The following SLAIN2 variants were observed in gnomAD, a reference collection of about 807,000 sequenced individuals.
The protein encoded by SLAIN2 is SLAIN family member 2.
Under a neutral mutation model 56.6 loss-of-function variants are expected in SLAIN2, and 31 were observed. The ratio of observed to expected loss-of-function variants is 0.55; its 90% CI spans 0.41 to 0.74. SLAIN2 has a LOEUF of 0.74. Ranked by LOEUF, SLAIN2 falls within the 30% of genes least tolerant of loss-of-function variation. The probability of loss-of-function intolerance (pLI) is 0.00; values close to 1 mark genes in which losing one functional copy is unlikely to be tolerated. For missense variants in SLAIN2, 777 were observed against 754.2 expected (o/e 1.03, Z -0.35); for synonymous variants, 317 against 284.9 (o/e 1.11, Z -1.13).
At chr4:48,346,074 C>G (rs1714857589) in intron 1 of SLAIN2, among the ~76,000 whole-genome samples, 1 of 152,248 alleles carries the variant, frequency 6.6e-6, no homozygotes, top group African/African-American at 2.4e-5. Context: ...ACATTACTAT[C>G]ACCAACCTAT....
chr4:48,405,543 A>G (rs1478435765), intron 6 of SLAIN2, among the ~76,000 whole-genome samples: 1 of 151,454 alleles, frequency 6.6e-6, no homozygotes, highest in Admixed American at 6.6e-5. Context: ...GTTCCCTTGT[A>G]TTTTCTATAA....
At chr4:48,399,223 C>T (rs1395997000) in intron 6 of SLAIN2, among the ~76,000 whole-genome samples, 1 of 152,046 alleles carries the variant, frequency 6.6e-6, no homozygotes, top group African/African-American at 2.4e-5. Context: ...CTTTCATTTC[C>T]CTTGTTAGCT....
intron 1 of SLAIN2, among the ~76,000 whole-genome samples, chr4:48,352,373 AT>A (rs1463173575): frequency 1.3e-5 from 2 of 152,234 alleles, no homozygotes; most frequent in African/African-American, 4.8e-5. Context: ...ATGATTAAAG[AT>A]TAGGCCATTT....
chr4:48,406,406 A>G lies in SLAIN2; in HGVS notation c.1361-13719A>G, dbSNP rs1005450298. Among the ~76,000 whole-genome samples, 133 of 152,280 alleles carry G rather than the reference A, an allele frequency of 8.7e-4. 1 individual carries two copies. The highest frequency in any genetic ancestry group is 3.0e-3 in the African/African-American group (123 of 41,560). On this transcript the variant is annotated intron_variant, in intron 6 of 7. Transcript: ENST00000264313. The stretch of plus-strand genomic sequence containing the variant: ...TCTTAGCAACACATAGAATTAGAAT[A>G]TCATAATAATTTGTTTTGTCCCATA...
At position 48,382,866 on chromosome 4, in the gene SLAIN2, A is replaced by C; in HGVS notation, c.1161A>C (p.Gln387His). The stretch of plus-strand genomic sequence containing the variant: ...AGCCTATGATTAGCCGCTTACAGCA[A>C]CCTCGCCTTTCACTTCAAGGCCATC... ...SPQPMISRLQ[Q>H]PRLSLQGHPT... The change falls in exon 5 of 8, where the codon CAA (glutamine) becomes CAC (histidine). Residue 387 changes from glutamine to histidine, a missense_variant. Gln to His is a conservative substitution (Grantham distance 24). Coordinates refer to ENST00000264313, the MANE Select transcript of SLAIN2 (RefSeq NM_020846.2). The C allele has an allele frequency of 6.2e-7, 1 of 1,613,616 alleles. No homozygotes were observed. Among genetic ancestry groups the C allele is most frequent in the Non-Finnish European group, 8.5e-7 (1 of 1,179,748 alleles).
Position 48,341,868 on chromosome 4 carries a change from C to A in SLAIN2, c.129C>A (p.Ser43=). ...SRSGAVQGAG[S]LGPGSPVRAG... ...CGGGGGCCGTGCAGGGCGCCGGCTCCCTTGGGCCCGGCAGCCCGGTTCGGG... is the reference window on the plus strand; with the variant it reads ...CGGGGGCCGTGCAGGGCGCCGGCTCACTTGGGCCCGGCAGCCCGGTTCGGG... Residue 43 remains serine (S), a synonymous_variant, in exon 1 of 8, where the codon TCC becomes TCA. Coordinates refer to ENST00000264313, the MANE Select transcript of SLAIN2 (RefSeq NM_020846.2). 3 of 1,519,796 alleles carry A rather than the reference C, an allele frequency of 2.0e-6. No homozygotes were observed. The highest frequency in any genetic ancestry group is 2.6e-6 in the Non-Finnish European group (3 of 1,134,390). 94.1% of individuals were successfully genotyped at this position (1,519,796 alleles called of 1,614,324 possible).
chr4:48,360,560 C>T (rs6853315), intron 1 of SLAIN2, among the ~76,000 whole-genome samples: 45,108 of 151,872 alleles, frequency 0.3, 6,894 homozygotes, highest in South Asian at 0.48. Flanking sequence ...CCACTACACT[C>T]TAGCTTGGGT....
intron 6 of SLAIN2, among the ~76,000 whole-genome samples, chr4:48,396,155 A>T (rs773395694): frequency 1.2e-4 from 18 of 152,126 alleles, no homozygotes; most frequent in African/African-American, 4.3e-4. Flanking sequence ...TATCACTCCA[A>T]GCTACCAAAC....
chr4:48,393,113 A>G (rs546454773), intron 6 of SLAIN2, among the ~76,000 whole-genome samples: 29 of 152,158 alleles, frequency 1.9e-4, no homozygotes, highest in African/African-American at 6.5e-4. Context: ...TGGCTCACGC[A>G]TGTAATTCCA....
In SLAIN2 at chr4:48,346,497, T is replaced by C. The variant is rs190091063; in HGVS notation, c.389+4369T>C. On this transcript the variant is annotated intron_variant, in intron 1 of 7. Transcript: ENST00000264313. ...ATTCAGAGCTAGGTAGGTAATGTGG[T>C]TTTTATACTTTTTTGTCACTCGTGG... Among the ~76,000 whole-genome samples the C allele has an allele frequency of 3.0e-3, 455 of 152,336 alleles. 2 individuals carry two copies. The highest frequency in any genetic ancestry group is 6.8e-3 in the Middle Eastern group (2 of 294).
chr4:48,375,461 A>G (rs1270253354), intron 2 of SLAIN2, among the ~76,000 whole-genome samples: 4 of 152,108 alleles, frequency 2.6e-5, no homozygotes, highest in South Asian at 2.1e-4. Context: ...TTCTTTAACA[A>G]TCCTTTCCAG....
At chr4:48,360,764 A>T (rs1172958845) in intron 1 of SLAIN2, among the ~76,000 whole-genome samples, 15 of 152,130 alleles carry the variant, frequency 9.9e-5, no homozygotes. Context: ...GTCATTTCCC[A>T]TTCCTTCTCT....
intron 1 of SLAIN2, among the ~76,000 whole-genome samples, chr4:48,350,898 TATA>T (rs1714993841): frequency 6.6e-6 from 1 of 152,208 alleles, no homozygotes; most frequent in Non-Finnish European, 1.5e-5. Context: ...ATAGATGCAA[TATA>T]ATGTAGTACC....
At chr4:48,420,061 A>T in intron 6 of SLAIN2, 64 bp from the exon 7 acceptor site, 1 of 1,505,204 alleles carries the variant, frequency 6.6e-7, no homozygotes, top group Non-Finnish European at 9.1e-7. Flanking sequence ...GTTGTAATTT[A>T]AAGCAATGGT....
At chr4:48,407,321 G>T (rs1349597681) in intron 6 of SLAIN2, among the ~76,000 whole-genome samples, 1 of 151,954 alleles carries the variant, frequency 6.6e-6, no homozygotes. Context: ...AGTTCCATCA[G>T]CTCATTTCTG....
chr4:48,408,728 A>G (rs552664980), intron 6 of SLAIN2, among the ~76,000 whole-genome samples: 1 of 152,252 alleles, frequency 6.6e-6, no homozygotes, highest in East Asian at 1.9e-4. Flanking sequence ...CAGTAAGCTA[A>G]GGTTAATTTA....
intron 2 of SLAIN2, among the ~76,000 whole-genome samples, chr4:48,375,505 C>CT (rs1011289094): frequency 1.3e-5 from 2 of 150,882 alleles, no homozygotes; most frequent in Non-Finnish European, 3.0e-5. Flanking sequence ...CTTTTTTTTC[C>CT]TTTTTTCTAG....
chr4:48,341,771 A>G lies in SLAIN2; in HGVS notation c.32A>G (p.Asp11Gly). 6.5e-7 allele frequency: 1 copy of G among 1,530,760 alleles called. No homozygotes were observed. The highest frequency in any genetic ancestry group is 8.8e-7 in the Non-Finnish European group (1 of 1,138,850). The allele number at this position is 1,530,760 out of a possible 1,614,324, so 94.8% of individuals were successfully genotyped here. ...GACGTTAACTCCAACGTGAACGCGG[A>G]CCAGGAGGTGCGGAAGCTGCAGGAG... The part of the protein sequence containing the change: MEDVNSNVNA[D>G]QEVRKLQELV... The change falls in exon 1 of 8, where the codon GAC (aspartate) becomes GGC (glycine). Residue 11 changes from aspartate to glycine, a missense_variant. Coordinates refer to ENST00000264313, the MANE Select transcript of SLAIN2 (RefSeq NM_020846.2).
chr4:48,395,346 G>A (rs1272148279), intron 6 of SLAIN2, among the ~76,000 whole-genome samples: 3 of 151,926 alleles, frequency 2.0e-5, no homozygotes, highest in African/African-American at 7.3e-5. Context: ...GAACATGTAG[G>A]TTTTCTGATA....
Sources: allele counts gnomAD v4.1 joint callset (sites outside exome capture counted in the v4.1 genomes callset), GRCh38; gene constraint gnomAD v4.1.1; transcripts MANE v1.5; gene names NCBI Gene and HGNC (gene_info 2026-07-23, HGNC 2026-07-21).